LRP1B: variants seen among roughly 807,000 people sequenced by gnomAD.
The protein encoded by LRP1B is low-density lipoprotein receptor-related protein 1B.
In LRP1B, 217 loss-of-function variants were observed where a neutral mutation model predicts 556.6. The ratio of observed to expected loss-of-function variants is 0.39; its 90% confidence interval spans 0.35 to 0.44. The LOEUF (loss-of-function observed/expected upper bound fraction) is 0.44. LRP1B is among the 20% of genes least tolerant of loss of function. The pLI is 1.00. For missense variants in LRP1B, 5,053 were observed against 5,620.8 expected (o/e 0.90, Z 3.23); for synonymous variants, 2,047 against 1,865.8 (o/e 1.10, Z -2.50).
chr2:141,986,463 C>T (rs1702189108), intron 1 of LRP1B, among the ~76,000 whole-genome samples: 1 of 151,860 alleles, frequency 6.6e-6, no homozygotes, highest in Non-Finnish European at 1.5e-5. Flanking sequence ...AACAGTTAGC[C>T]AGTCTGCCAG....
chr2:141,958,570 T>G (rs1701325150), intron 1 of LRP1B, among the ~76,000 whole-genome samples: 1 of 152,062 alleles, frequency 6.6e-6, no homozygotes, highest in African/African-American at 2.4e-5. Flanking sequence ...TCTACTGTGC[T>G]TCAGCCAGTG....
At chr2:141,554,923 T>G (rs1169005169) in intron 2 of LRP1B, among the ~76,000 whole-genome samples, 1 of 151,922 alleles carries the variant, frequency 6.6e-6, no homozygotes, top group African/African-American at 2.4e-5. Flanking sequence ...GACTCTGTGG[T>G]GTATCAAGTT....
chr2:140,584,992 T>C (rs1314942385), intron 43 of LRP1B, among the ~76,000 whole-genome samples: 2 of 152,074 alleles, frequency 1.3e-5, no homozygotes, highest in South Asian at 2.1e-4. Flanking sequence ...TTGCTGAACA[T>C]AGCAATGCAT....
chr2:140,825,312 A>C (rs75131990), intron 31 of LRP1B, among the ~76,000 whole-genome samples: 2 of 152,172 alleles, frequency 1.3e-5, no homozygotes, highest in African/African-American at 4.8e-5. Flanking sequence ...ATACAGCTGG[A>C]GTGGGAAGTT....
rs1701997990 is a variant in LRP1B, at chr2:141,153,789, T to C, written c.1013+34632A>G. Reference sequence around the variant, plus strand: ...TCTTAATCCTAGGATTTGAGACTAATTGGTAAACAGAAGAAATAAGGATTC... The same window carrying C: ...TCTTAATCCTAGGATTTGAGACTAACTGGTAAACAGAAGAAATAAGGATTC... On this transcript the variant is annotated intron_variant, in intron 7 of 90. Transcript: ENST00000389484. Among the ~76,000 whole-genome samples the C allele has an allele frequency of 5.3e-5, 8 of 151,028 alleles. No homozygotes were observed. In the South Asian group the frequency reaches 1.4e-3, roughly 27 times the overall value.
At chr2:140,584,498 C>T (rs186705462) in intron 43 of LRP1B, among the ~76,000 whole-genome samples, 1 of 151,842 alleles carries the variant, frequency 6.6e-6, no homozygotes, top group African/African-American at 2.4e-5. Flanking sequence ...TGGCTGCTGG[C>T]CTTTTGATAA....
chr2:140,777,350 G>C (rs1689534845), intron 32 of LRP1B, among the ~76,000 whole-genome samples: 1 of 152,190 alleles, frequency 6.6e-6, no homozygotes, highest in Admixed American at 6.5e-5. Context: ...AAGATACTCA[G>C]TGAAGAGGTT....
chr2:140,533,652 C>T (rs1004860834), intron 47 of LRP1B, among the ~76,000 whole-genome samples: 29 of 152,018 alleles, frequency 1.9e-4, no homozygotes, highest in Admixed American at 1.1e-3. Flanking sequence ...CAAAGTTTCC[C>T]GTCCAGTGGT....
chr2:140,389,745 T>TTTTA (rs1553458413), intron 66 of LRP1B, among the ~76,000 whole-genome samples: 6 of 147,368 alleles, frequency 4.1e-5, no homozygotes, highest in Non-Finnish European at 7.5e-5. Context: ...ATATATAGTT[T>TTTTA]TATATATATA....
chr2:141,178,064 T>G (rs1420505005), intron 7 of LRP1B, among the ~76,000 whole-genome samples: 1 of 152,140 alleles, frequency 6.6e-6, no homozygotes, highest in Non-Finnish European at 1.5e-5. Context: ...ATCAAAATTC[T>G]ACTAATTTGC....
intron 63 of LRP1B, among the ~76,000 whole-genome samples, chr2:140,448,796 A>C (rs1345156420): frequency 6.6e-6 from 1 of 152,114 alleles, no homozygotes; most frequent in Non-Finnish European, 1.5e-5. Context: ...GATGTAATGC[A>C]TATGTTAAAT....
At chr2:140,720,975 C>T (rs1460671415) in intron 35 of LRP1B, among the ~76,000 whole-genome samples, 7 of 152,058 alleles carry the variant, frequency 4.6e-5, no homozygotes, top group African/African-American at 1.7e-4. Flanking sequence ...CTGCATTTAC[C>T]ATGAACATTT....
At chr2:140,657,017 A>G (rs150673440) in intron 41 of LRP1B, among the ~76,000 whole-genome samples, 37 of 152,212 alleles carry the variant, frequency 2.4e-4, no homozygotes, top group Middle Eastern at 3.4e-3. Context: ...TTCTCTTATT[A>G]TATTTTAAGT....
chr2:140,937,962 A>G (rs574119582), intron 20 of LRP1B, among the ~76,000 whole-genome samples: 1 of 151,734 alleles, frequency 6.6e-6, no homozygotes, highest in South Asian at 2.1e-4. Context: ...GATTTTCCAC[A>G]AAGAACATAG....
chr2:141,251,106 G>A (rs114902861), intron 4 of LRP1B, among the ~76,000 whole-genome samples: 1,702 of 152,142 alleles, frequency 0.011, 29 homozygotes, highest in African/African-American at 0.039. Flanking sequence ...AGGGGTATGG[G>A]GTGGAGAAAA....
chr2:141,194,086 T>A (rs190935439), intron 6 of LRP1B, among the ~76,000 whole-genome samples: 5 of 152,258 alleles, frequency 3.3e-5, no homozygotes, highest in African/African-American at 1.2e-4. Context: ...GTTTTATCTG[T>A]AATTTTGCAA....
At chr2:141,555,475 G>C (rs950160498) in intron 2 of LRP1B, among the ~76,000 whole-genome samples, 1 of 151,954 alleles carries the variant, frequency 6.6e-6, no homozygotes, top group African/African-American at 2.4e-5. Flanking sequence ...GGACAAAGCA[G>C]AGTGGCAGGC....
rs577311945 is a variant in LRP1B at position 140,517,100 on chromosome 2, A to T, written c.8027-89T>A. On this transcript the variant is annotated intron_variant, in intron 49 of 90. Transcript: ENST00000389484. ...TCATTAATACTCCCTAAACTGAAAG[A>T]GATAAATAACAAGTAAGCTTAAAAA... The T allele has an allele frequency of 3.9e-5, 35 of 902,726 alleles. No individual in the cohort carries two copies. The African/African-American group carries it at 5.5e-4, about 14-fold the overall frequency. The allele number at this position is 902,726 out of a possible 1,614,324, so 55.9% of individuals were successfully genotyped here. A position where few individuals can be genotyped will look rare whatever the true frequency, so the allele number is the denominator to read the frequency against.
chr2:141,946,553 A>C (rs1700960118), intron 1 of LRP1B, among the ~76,000 whole-genome samples: 1 of 152,156 alleles, frequency 6.6e-6, no homozygotes. Flanking sequence ...AAAGATACTG[A>C]CTACAAGTTG....
Sources: allele counts gnomAD v4.1 joint callset (sites outside exome capture counted in the v4.1 genomes callset), GRCh38; gene constraint gnomAD v4.1.1; transcripts MANE v1.5; gene names NCBI Gene and HGNC (gene_info 2026-07-23, HGNC 2026-07-21).